AGBL4: variants seen among roughly 807,000 people sequenced by gnomAD.
AGBL4 encodes cytosolic carboxypeptidase 6.
Under a neutral mutation model 66.4 loss-of-function variants are expected in AGBL4, and 58 were observed. The observed-to-expected ratio is 0.87, with a 90% CI of 0.71 to 1.09. The LOEUF (loss-of-function observed/expected upper bound fraction) is 1.09. AGBL4 is among the 50% of genes least tolerant of loss of function. The pLI is 0.00. For missense variants in AGBL4, 579 were observed against 631.0 expected (o/e 0.92, Z 0.88); for synonymous variants, 234 against 222.9 (o/e 1.05, Z -0.44).
chr1:49,445,720 T>A (rs1646139261), intron 3 of AGBL4, among the ~76,000 whole-genome samples: 1 of 152,114 alleles, frequency 6.6e-6, no homozygotes. Context: ...TGGTTCTTTT[T>A]AAAAATACCT....
intron 3 of AGBL4, among the ~76,000 whole-genome samples, chr1:49,614,059 T>C (rs555620720): frequency 9.5e-4 from 145 of 152,346 alleles, no homozygotes; most frequent in African/African-American, 3.2e-3. Context: ...ACACATTTGG[T>C]AAAACTTGTA....
At position 48,841,947 on chromosome 1, in the gene AGBL4, G is replaced by A. The variant is rs182152708; in HGVS notation, c.634+25244C>T. 1.1e-4 allele frequency among the ~76,000 whole-genome samples: 16 copies of A among 152,216 alleles called. No homozygotes were observed. In the East Asian group the frequency reaches 2.1e-3, roughly 20 times the overall value. On this transcript the variant is annotated intron_variant, in intron 6 of 13. Transcript: ENST00000371839. The stretch of plus-strand genomic sequence containing the variant: ...CATGCAAATGACATGCAAATCTTAC[G>A]TTCTAAATGAGTTTGTTTATCATTC...
At chr1:49,354,251 C>T (rs946140234) in intron 3 of AGBL4, among the ~76,000 whole-genome samples, 2 of 152,230 alleles carry the variant, frequency 1.3e-5, no homozygotes, top group Non-Finnish European at 2.9e-5. Context: ...ACAACATTGT[C>T]GCACATCCCA....
At chr1:49,058,770 C>T (rs1644350235) in intron 4 of AGBL4, among the ~76,000 whole-genome samples, 3 of 152,114 alleles carry the variant, frequency 2.0e-5, no homozygotes, top group South Asian at 4.1e-4. Context: ...ACAATGAAGT[C>T]TAGCCTGAGG....
intron 3 of AGBL4, among the ~76,000 whole-genome samples, chr1:49,291,499 T>C (rs733702): frequency 0.53 from 80,186 of 152,090 alleles, 22,408 homozygotes; most frequent in Non-Finnish European, 0.62. Flanking sequence ...AAGCTATTGC[T>C]AAACACAATA....
At chr1:49,395,998 G>C (rs186081970) in intron 3 of AGBL4, among the ~76,000 whole-genome samples, 3 of 151,068 alleles carry the variant, frequency 2.0e-5, no homozygotes. Flanking sequence ...CATCTTAACT[G>C]GGTATTGAAG....
chr1:48,740,353 C>T (rs866193777), intron 6 of AGBL4, among the ~76,000 whole-genome samples: 4 of 152,192 alleles, frequency 2.6e-5, no homozygotes, highest in Non-Finnish European at 1.5e-5. Flanking sequence ...TGCCTCTAAC[C>T]TGTTATGTAA....
chr1:48,624,600 T>A (rs1645468790), intron 9 of AGBL4, among the ~76,000 whole-genome samples: 1 of 152,168 alleles, frequency 6.6e-6, no homozygotes, highest in Non-Finnish European at 1.5e-5. Context: ...TTTTGATCAG[T>A]CAACTGCTCA....
intron 6 of AGBL4, among the ~76,000 whole-genome samples, chr1:48,715,440 G>A (rs78531379): frequency 0.025 from 3,811 of 152,272 alleles, 135 homozygotes; most frequent in African/African-American, 0.078. Context: ...TGTGCTATGC[G>A]TTGGGATGCA....
chr1:48,540,795 A>AC (rs1644054548), intron 11 of AGBL4, among the ~76,000 whole-genome samples: 1 of 150,884 alleles, frequency 6.6e-6, no homozygotes, highest in Non-Finnish European at 1.5e-5. Context: ...ACTTCTTTCC[A>AC]CCCCCCTAGA....
chr1:49,658,488 C>A (rs1226449139), intron 3 of AGBL4, among the ~76,000 whole-genome samples: 1 of 152,150 alleles, frequency 6.6e-6, no homozygotes, highest in African/African-American at 2.4e-5. Flanking sequence ...TACCATTTGA[C>A]CCAGCCATCC....
intron 4 of AGBL4, among the ~76,000 whole-genome samples, chr1:49,102,476 C>T (rs770094784): frequency 2.0e-5 from 3 of 152,136 alleles, no homozygotes; most frequent in African/African-American, 4.8e-5. Flanking sequence ...AGCTGTTTTA[C>T]AGAGAGGAAA....
chr1:49,159,853 T>C (rs1272044079), intron 4 of AGBL4, among the ~76,000 whole-genome samples: 1 of 152,184 alleles, frequency 6.6e-6, no homozygotes, highest in Admixed American at 6.5e-5. Context: ...CTTGATTGAT[T>C]TGGCTATTGA....
At chr1:49,149,872 C>T (rs1460346363) in intron 4 of AGBL4, among the ~76,000 whole-genome samples, 2 of 152,118 alleles carry the variant, frequency 1.3e-5, no homozygotes, top group Admixed American at 1.3e-4. Flanking sequence ...ATAAAATTGT[C>T]TTCAGAAACT....
chr1:49,636,900 A>G (rs914964656), intron 3 of AGBL4, among the ~76,000 whole-genome samples: 2 of 152,182 alleles, frequency 1.3e-5, no homozygotes, highest in Admixed American at 6.5e-5. Flanking sequence ...CTGTGAAGGT[A>G]TTGCCAAAGG....
intron 4 of AGBL4, among the ~76,000 whole-genome samples, chr1:49,095,854 T>A (rs1297950902): frequency 1.3e-5 from 2 of 150,802 alleles, no homozygotes; most frequent in African/African-American, 4.9e-5. Flanking sequence ...CTAATTAAAC[T>A]AAAGAGCTTC....
chr1:49,554,645 A>T (rs538311285), intron 3 of AGBL4, among the ~76,000 whole-genome samples: 2 of 152,186 alleles, frequency 1.3e-5, no homozygotes, highest in Non-Finnish European at 2.9e-5. Context: ...CCCGCCCACA[A>T]ATGTGTCCAG....
At chr1:49,297,242 T>C (rs1006091028) in intron 3 of AGBL4, among the ~76,000 whole-genome samples, 1 of 152,202 alleles carries the variant, frequency 6.6e-6, no homozygotes, top group Non-Finnish European at 1.5e-5. Context: ...ACAAGCTCTC[T>C]GAAGTTAGTA....
Position 49,928,133 on chromosome 1 carries a change from T to G in AGBL4, c.35-76615A>C, listed in dbSNP as rs377515784. On this transcript the variant is annotated intron_variant, in intron 1 of 13. Coordinates refer to ENST00000371839, the MANE Select transcript of AGBL4 (RefSeq NM_032785.4). ...GTAGAAGAAAAGAATGATGATGAAA[T>G]TAAGACACAGAAACAGAAATTATCT... Among the ~76,000 whole-genome samples the G allele has an allele frequency of 5.3e-5, 8 of 152,230 alleles. No individual in the cohort carries two copies. The South Asian group carries it at 1.2e-3, about 24-fold the overall frequency.
Sources: gnomAD v4.1 joint callset for allele counts (sites outside exome capture counted in the v4.1 genomes callset) on GRCh38, gnomAD v4.1.1 for gene constraint, MANE v1.5 for transcripts, NCBI Gene and HGNC (gene_info 2026-07-23, HGNC 2026-07-21) for gene names.